CLVS1: variants seen among roughly 807,000 people sequenced by gnomAD.
CLVS1 encodes the protein clavesin-1.
A neutral mutation model predicts 33.1 loss-of-function variants in CLVS1; 10 were observed. The ratio of observed to expected loss-of-function variants is 0.30; its 90% CI spans 0.19 to 0.51. The LOEUF (loss-of-function observed/expected upper bound fraction) is 0.51, where lower values mean the gene tolerates loss of function less well. Ranked by LOEUF, CLVS1 falls within the 20% of genes least tolerant of loss-of-function variation. The pLI is 0.97. For synonymous variants in CLVS1, 163 were observed against 166.1 expected, an observed-to-expected ratio of 0.98 and a Z score of 0.14; for missense variants, 343 against 433.4, an observed-to-expected ratio of 0.79 and a Z score of 1.85.
chr8:60,990,757 G>A, the CLVS1 span, among the ~76,000 whole-genome samples: 1 of 147,830 alleles, frequency 6.8e-6, no homozygotes, highest in South Asian at 2.1e-4. Context: ...CACCCAGACT[G>A]GAGTGCAGTG....
chr8:61,230,193 G>A (rs1276812895), intron 2 of CLVS1, among the ~76,000 whole-genome samples: 1 of 152,180 alleles, frequency 6.6e-6, no homozygotes. Flanking sequence ...CTGTTTTGCT[G>A]AACCCTGATG....
the CLVS1 span, among the ~76,000 whole-genome samples, chr8:60,977,630 G>A: frequency 6.6e-6 from 1 of 152,156 alleles, no homozygotes; most frequent in Non-Finnish European, 1.5e-5. Context: ...CCAGTCTAAG[G>A]AGCAGAAAGA....
chr8:61,163,166 A>G (rs1332501179), intron 2 of CLVS1, among the ~76,000 whole-genome samples: 1 of 152,152 alleles, frequency 6.6e-6, no homozygotes, highest in Non-Finnish European at 1.5e-5. Context: ...ATTCATAAGG[A>G]GACCAGAGAC....
chr8:61,137,583 C>G (rs1389001177), intron 2 of CLVS1, among the ~76,000 whole-genome samples: 1 of 152,138 alleles, frequency 6.6e-6, no homozygotes, highest in East Asian at 1.9e-4. Flanking sequence ...CCTCAAGTGC[C>G]GAGCGTCTTC....
At chr8:61,324,687 A>G (rs1372063964) in intron 2 of CLVS1, among the ~76,000 whole-genome samples, 1 of 152,126 alleles carries the variant, frequency 6.6e-6, no homozygotes, top group East Asian at 1.9e-4. Flanking sequence ...AAAAATGTTG[A>G]TAGTGATATG....
At chr8:61,042,170 C>T in the CLVS1 span, among the ~76,000 whole-genome samples, 1 of 152,158 alleles carries the variant, frequency 6.6e-6, no homozygotes, top group Admixed American at 6.5e-5. Context: ...TGAGTTTTCT[C>T]ATCCACAAAA....
chr8:61,340,786 T>A (rs530076528), intron 2 of CLVS1, among the ~76,000 whole-genome samples: 1 of 152,338 alleles, frequency 6.6e-6, no homozygotes, highest in East Asian at 1.9e-4. Flanking sequence ...GCTGTACCAG[T>A]GTTAGATACA....
chr8:61,359,512 T>C (rs1161633981), intron 2 of CLVS1, among the ~76,000 whole-genome samples: 1 of 152,104 alleles, frequency 6.6e-6, no homozygotes, highest in Non-Finnish European at 1.5e-5. Flanking sequence ...AGTGCCATCA[T>C]GCCCGGCTAA....
the CLVS1 span, among the ~76,000 whole-genome samples, chr8:61,042,497 A>G: frequency 1.9e-5 from 2 of 105,942 alleles, no homozygotes; most frequent in African/African-American, 1.1e-4. Context: ...TGGGAAGTTC[A>G]AGAACAAGGC....
chr8:61,270,605 G>C (rs1335275237), intron 2 of CLVS1, among the ~76,000 whole-genome samples: 1 of 151,290 alleles, frequency 6.6e-6, no homozygotes, highest in Non-Finnish European at 1.5e-5. Context: ...GTTTCTCCTT[G>C]TACCTCTGGT....
At chr8:61,031,202 A>G in the CLVS1 span, among the ~76,000 whole-genome samples, 1 of 152,148 alleles carries the variant, frequency 6.6e-6, no homozygotes, top group Non-Finnish European at 1.5e-5. Context: ...GCTGAAGACA[A>G]AAGGCTTGGG....
intron 2 of CLVS1, among the ~76,000 whole-genome samples, chr8:61,316,264 G>A (rs1811005057): frequency 2.0e-5 from 3 of 152,126 alleles, no homozygotes; most frequent in African/African-American, 7.2e-5. Context: ...CAAACACCTG[G>A]TTTATTCTTA....
At chr8:61,195,594 T>C (rs1807588177) in intron 2 of CLVS1, among the ~76,000 whole-genome samples, 1 of 152,020 alleles carries the variant, frequency 6.6e-6, no homozygotes, top group Non-Finnish European at 1.5e-5. Flanking sequence ...AAATCATAAA[T>C]GACTGCCATA....
chr8:61,374,407 G>A (rs979931786), intron 2 of CLVS1, among the ~76,000 whole-genome samples: 7 of 152,172 alleles, frequency 4.6e-5, no homozygotes, highest in South Asian at 2.1e-4. Context: ...AGCTTATCTC[G>A]GCTCAGACTC....
chr8:61,022,167 G>A, the CLVS1 span, among the ~76,000 whole-genome samples: 1 of 152,280 alleles, frequency 6.6e-6, no homozygotes, highest in Admixed American at 6.5e-5. Context: ...AGACATGACC[G>A]ATTTCCCTGC....
chr8:61,452,844 T>G (rs1006885834), intron 3 of CLVS1, among the ~76,000 whole-genome samples: 2 of 152,180 alleles, frequency 1.3e-5, no homozygotes, highest in Non-Finnish European at 2.9e-5. Flanking sequence ...ATTTTTAAAG[T>G]TTTTCAAATG....
chr8:60,999,067 C>A, the CLVS1 span, among the ~76,000 whole-genome samples: 1 of 152,026 alleles, frequency 6.6e-6, no homozygotes, highest in Non-Finnish European at 1.5e-5. Flanking sequence ...GGGATCGAGG[C>A]GACAGAGGAT....
intron 3 of CLVS1, among the ~76,000 whole-genome samples, chr8:61,404,530 G>A (rs1814904318): frequency 6.6e-6 from 1 of 152,106 alleles, no homozygotes; most frequent in South Asian, 2.1e-4. Context: ...CATTGTAAGA[G>A]CTAACATTGC....
At chr8:61,024,756 G>T in the CLVS1 span, among the ~76,000 whole-genome samples, 4 of 152,120 alleles carry the variant, frequency 2.6e-5, no homozygotes, top group Admixed American at 2.6e-4. Context: ...AAATGAGATG[G>T]TACAACTTTC....
Sources: allele counts gnomAD v4.1 joint callset (sites outside exome capture counted in the v4.1 genomes callset), GRCh38; gene constraint gnomAD v4.1.1; transcripts MANE v1.5; gene names NCBI Gene and HGNC (gene_info 2026-07-23, HGNC 2026-07-21).